DLG2: variants seen among roughly 807,000 people sequenced by gnomAD.
DLG2 encodes disks large homolog 2.
Under a neutral mutation model 132.5 loss-of-function variants are expected in DLG2, and 45 were observed. That is an observed-to-expected ratio of 0.34 (90% CI 0.27 to 0.44). The LOEUF (loss-of-function observed/expected upper bound fraction) is 0.44, where lower values mean the gene tolerates loss of function less well. Ranked by LOEUF, DLG2 falls within the 20% of genes least tolerant of loss-of-function variation. The pLI, the probability that DLG2 is intolerant of heterozygous loss-of-function variation, is 1.00. For missense variants in DLG2, 1,045 were observed against 1,196.9 expected (o/e 0.87, Z 1.87); for synonymous variants, 424 against 419.6 (o/e 1.01, Z -0.13).
intron 6 of DLG2, among the ~76,000 whole-genome samples, chr11:85,068,327 A>G (rs1458596455): frequency 1.3e-5 from 2 of 152,116 alleles, no homozygotes; most frequent in Admixed American, 6.6e-5. Context: ...AAGGAAATAA[A>G]GGGTATTCAA....
chr11:84,728,541 C>G (rs759140449), intron 6 of DLG2, among the ~76,000 whole-genome samples: 18 of 152,156 alleles, frequency 1.2e-4, no homozygotes, highest in Admixed American at 1.1e-3. Context: ...GAATATTGGC[C>G]TGATATTTTC....
chr11:85,603,531 T>C (rs560150197), intron 2 of DLG2, among the ~76,000 whole-genome samples: 153 of 148,560 alleles, frequency 1.0e-3, no homozygotes, highest in African/African-American at 2.7e-3. Context: ...TTCTCTCTCT[T>C]TTTTTTTTTA....
intron 6 of DLG2, among the ~76,000 whole-genome samples, chr11:84,679,677 C>T (rs1009267350): frequency 6.6e-5 from 10 of 152,018 alleles, no homozygotes; most frequent in South Asian, 6.2e-4. Flanking sequence ...CTGTTCTAAA[C>T]GCTTCGTATA....
chr11:84,165,170 T>C (rs2095633613), intron 8 of DLG2, among the ~76,000 whole-genome samples: 1 of 152,178 alleles, frequency 6.6e-6, no homozygotes, highest in Admixed American at 6.5e-5. Flanking sequence ...TTTGCTTCAG[T>C]GCTTCTCCAA....
At chr11:85,386,559 T>C (rs1204822961) in intron 3 of DLG2, among the ~76,000 whole-genome samples, 1 of 152,102 alleles carries the variant, frequency 6.6e-6, no homozygotes, top group Non-Finnish European at 1.5e-5. Context: ...TAAAGTACAG[T>C]TCCTTGCACA....
chr11:83,559,282 G>T (rs2096571819), intron 19 of DLG2, among the ~76,000 whole-genome samples: 1 of 152,130 alleles, frequency 6.6e-6, no homozygotes, highest in African/African-American at 2.4e-5. Flanking sequence ...AATCTGCCTG[G>T]AAAAGTAGAT....
chr11:84,778,200 T>C (rs1489964624), intron 6 of DLG2, among the ~76,000 whole-genome samples: 1 of 152,218 alleles, frequency 6.6e-6, no homozygotes, highest in Non-Finnish European at 1.5e-5. Context: ...GTACCATTTA[T>C]TGAAAAGAGT....
intron 14 of DLG2, among the ~76,000 whole-genome samples, chr11:83,947,076 G>A (rs1390326520): frequency 6.6e-6 from 1 of 152,124 alleles, no homozygotes; most frequent in Non-Finnish European, 1.5e-5. Context: ...GAACTGGAAA[G>A]CGTCATGATA....
chr11:84,622,236 C>T (rs973558892), intron 6 of DLG2, among the ~76,000 whole-genome samples: 6 of 152,110 alleles, frequency 3.9e-5, no homozygotes, highest in African/African-American at 1.2e-4. Context: ...TTTGGAAGTA[C>T]CTTTATCCTG....
At chr11:84,747,809 AT>A (rs1451773924) in intron 6 of DLG2, among the ~76,000 whole-genome samples, 2 of 152,174 alleles carry the variant, frequency 1.3e-5, no homozygotes, top group Non-Finnish European at 2.9e-5. Context: ...GATTCTTGTC[AT>A]CAAAAGGTTT....
At chr11:83,662,399 C>G (rs1239532198) in intron 18 of DLG2, among the ~76,000 whole-genome samples, 1 of 152,200 alleles carries the variant, frequency 6.6e-6, no homozygotes, top group Admixed American at 6.5e-5. Flanking sequence ...TCTTCTCTCT[C>G]TAATCTCAGA....
At chr11:85,403,679 G>A (rs2088426782) in intron 3 of DLG2, among the ~76,000 whole-genome samples, 1 of 151,874 alleles carries the variant, frequency 6.6e-6, no homozygotes, top group Non-Finnish European at 1.5e-5. Context: ...TCACGTTTTG[G>A]AAGGAGAGAG....
chr11:83,749,778 A>G (rs985684854), intron 18 of DLG2, among the ~76,000 whole-genome samples: 5 of 152,194 alleles, frequency 3.3e-5, no homozygotes, highest in African/African-American at 7.2e-5. Flanking sequence ...ACTGGGGAAA[A>G]TTGGCAGATA....
At chr11:85,280,959 C>T (rs1025164478) in intron 4 of DLG2, among the ~76,000 whole-genome samples, 4 of 151,994 alleles carry the variant, frequency 2.6e-5, no homozygotes, top group Non-Finnish European at 5.9e-5. Context: ...TATTATGACT[C>T]TGCTCCTGTC....
Position 84,321,181 on chromosome 11 carries a change from C to A in DLG2, c.520-69890G>T, listed in dbSNP as rs547559857. 7.9e-5 allele frequency among the ~76,000 whole-genome samples: 12 copies of A among 152,248 alleles called. No individual in the cohort carries two copies. The South Asian group carries it at 2.5e-3, about 32-fold the overall frequency. ...TGCTCTACAGTATTTGTATACTTGT[C>A]TGTGTAAATATCTTTAACATTTATC... On this transcript the variant is annotated intron_variant, in intron 7 of 27. Coordinates refer to ENST00000376104, the MANE Select transcript of DLG2 (RefSeq NM_001142699.3).
chr11:83,874,229 G>GAC (rs1804737652), intron 16 of DLG2, among the ~76,000 whole-genome samples, 191 bp downstream of exon 16: 1 of 39,358 alleles, frequency 2.5e-5, no homozygotes, highest in South Asian at 1.3e-3. Context: ...AAGAAAGAAA[G>GAC]AAAGACAAAG....
At chr11:85,480,880 A>T (rs761562953) in intron 3 of DLG2, among the ~76,000 whole-genome samples, 3 of 152,238 alleles carry the variant, frequency 2.0e-5, no homozygotes, top group Non-Finnish European at 4.4e-5. Context: ...ATGCAAAAAA[A>T]ATACCACATG....
At chr11:83,791,373 G>C in intron 17 of DLG2, 1 of 679,878 alleles carries the variant, frequency 1.5e-6, no homozygotes, top group Non-Finnish European at 2.6e-6. Flanking sequence ...TTTTTGATCT[G>C]TCTTTTTTTT....
chr11:84,237,086 C>A (rs910931410), intron 8 of DLG2, among the ~76,000 whole-genome samples: 6 of 151,826 alleles, frequency 4.0e-5, no homozygotes, highest in African/African-American at 1.5e-4. Context: ...GTGCCACCAC[C>A]CCCGGCTAAT....
Sources: allele counts gnomAD v4.1 joint callset (sites outside exome capture counted in the v4.1 genomes callset), GRCh38; gene constraint gnomAD v4.1.1; transcripts MANE v1.5; gene names NCBI Gene and HGNC (gene_info 2026-07-23, HGNC 2026-07-21).